The following TMEM131 variants were observed in gnomAD, a reference collection of about 807,000 sequenced individuals.
The protein encoded by TMEM131 is 2610524E03Rik.
A neutral mutation model predicts 211.6 loss-of-function variants in TMEM131; 66 were observed. The ratio of observed to expected loss-of-function variants is 0.31; its 90% CI spans 0.26 to 0.38. The LOEUF is 0.38. TMEM131 is among the 10% of genes least tolerant of loss of function. The pLI is 1.00. For synonymous variants in TMEM131, 844 were observed against 841.3 expected (o/e 1.00, Z -0.06); for missense variants, 2,036 against 2,299.3 (o/e 0.89, Z 2.34).
chr2:97,841,904 A>G lies in TMEM131; in HGVS notation c.634T>C (p.Leu212=), dbSNP rs367996182. 1.9e-6 allele frequency: 3 copies of G among 1,589,830 alleles called. No individual in the cohort carries two copies. Among genetic ancestry groups the G allele is most frequent in the Admixed American group, 1.8e-5 (1 of 57,104 alleles). ...ACTCTGGCCCCAAGGAACGGCCTCA[A>G]TCGATATGGATTTGGAACTCCAACA... ...FGVGVPNPYR[L]RPFLGARVPV... Residue 212 remains leucine, a synonymous_variant, in exon 7 of 41, where the codon TTG becomes CTG. Coordinates refer to ENST00000186436, the MANE Select transcript of TMEM131 (RefSeq NM_015348.2).
At chr2:97,765,501 T>C (rs1421117818) in intron 35 of TMEM131, among the ~76,000 whole-genome samples, 3 of 152,224 alleles carry the variant, frequency 2.0e-5, no homozygotes, top group African/African-American at 7.2e-5. Flanking sequence ...ATCCCTGCTG[T>C]CAGCTGCTCC....
chr2:97,815,401 A>C, intron 12 of TMEM131, 94 bp from the exon 13 acceptor site: 1 of 755,840 alleles, frequency 1.3e-6, no homozygotes, highest in Non-Finnish European at 2.0e-6. Flanking sequence ...AAAAAAAAAA[A>C]AAGTTGAGCT....
At chr2:97,883,097 G>A (rs918226655) in intron 4 of TMEM131, among the ~76,000 whole-genome samples, 4 of 152,040 alleles carry the variant, frequency 2.6e-5, no homozygotes, top group African/African-American at 9.7e-5. Context: ...TAGCTCTATG[G>A]GGCCTCTCTT....
At position 97,995,567 on chromosome 2, in the gene TMEM131, G is replaced by A. The variant is rs1680469275; in HGVS notation, c.96C>T (p.Ser32=). ...CGGCGGCCGCGCTCCGCGGGCCCCCGCTACGGGCGGCCGCAGGTTCCAGCC... is the reference window on the plus strand; with the variant it reads ...CGGCGGCCGCGCTCCGCGGGCCCCCACTACGGGCGGCCGCAGGTTCCAGCC... ...GAGLEPAAAR[S]GGPRSAAAGL... Residue 32 remains serine (S), a synonymous_variant, in exon 1 of 41, where the codon AGC becomes AGT. Transcript: ENST00000186436. 7.7e-7 allele frequency: 1 copy of A among 1,306,872 alleles called. No individual in the cohort carries two copies. The allele number at this position is 1,306,872 out of a possible 1,614,324, so 81.0% of individuals were successfully genotyped here. A position where few individuals can be genotyped will look rare whatever the true frequency, so the allele number is the denominator to read the frequency against.
At chr2:97,762,280 G>A (rs1678894681) in intron 35 of TMEM131, 80 bp from the exon 36 acceptor site, 3 of 1,407,574 alleles carry the variant, frequency 2.1e-6, no homozygotes, top group Admixed American at 3.7e-5. Flanking sequence ...TGTTCTCTAA[G>A]ACTATGCATA....
At chr2:97,778,809 G>A (rs1256772309) in intron 31 of TMEM131, among the ~76,000 whole-genome samples, 1 of 152,048 alleles carries the variant, frequency 6.6e-6, no homozygotes, top group Admixed American at 6.5e-5. Flanking sequence ...CCCTTCTTCT[G>A]ACAACTTCTT....
chr2:97,881,723 A>AAAGGGGGGGGG (rs1491361818), intron 4 of TMEM131, among the ~76,000 whole-genome samples: 1 of 65,556 alleles, frequency 1.5e-5, no homozygotes, highest in African/African-American at 6.7e-5. Flanking sequence ...AAAAAAAAAA[A>AAAGGGGGGGGG]GGGGGGGGGG....
intron 1 of TMEM131, among the ~76,000 whole-genome samples, chr2:97,958,196 G>A (rs1359559371): frequency 3.9e-5 from 6 of 152,174 alleles, no homozygotes; most frequent in African/African-American, 1.4e-4. Flanking sequence ...GGAGAGGGGG[G>A]CAGAAGCTGA....
chr2:97,973,519 T>C (rs558414637), intron 1 of TMEM131, among the ~76,000 whole-genome samples: 2 of 152,184 alleles, frequency 1.3e-5, no homozygotes, highest in East Asian at 1.9e-4. Context: ...CCAAGGCAAT[T>C]AGAGTTCATA....
At chr2:97,977,915 C>A (rs1446224731) in intron 1 of TMEM131, among the ~76,000 whole-genome samples, 1 of 151,858 alleles carries the variant, frequency 6.6e-6, no homozygotes, top group Admixed American at 6.6e-5. Context: ...GTGAAACCCC[C>A]GTCTCTATTA....
At chr2:97,884,880 A>G (rs1675077091) in intron 4 of TMEM131, among the ~76,000 whole-genome samples, 1 of 152,186 alleles carries the variant, frequency 6.6e-6, no homozygotes, top group Admixed American at 6.5e-5. Context: ...TATATCTTTT[A>G]GATGGGGGAA....
At chr2:97,843,845 A>C (rs1040713700) in intron 6 of TMEM131, among the ~76,000 whole-genome samples, 1 of 152,242 alleles carries the variant, frequency 6.6e-6, no homozygotes, top group Admixed American at 6.5e-5. Flanking sequence ...AGTATGCTTC[A>C]TAAGTGTGTA....
At chr2:97,934,296 C>T (rs952341692) in intron 1 of TMEM131, among the ~76,000 whole-genome samples, 10 of 152,028 alleles carry the variant, frequency 6.6e-5, no homozygotes, top group African/African-American at 2.2e-4. Flanking sequence ...AATGAAGTAC[C>T]TCAGATATAA....
At chr2:97,983,339 G>A (rs896168444) in intron 1 of TMEM131, among the ~76,000 whole-genome samples, 2 of 152,108 alleles carry the variant, frequency 1.3e-5, no homozygotes, top group Non-Finnish European at 1.5e-5. Context: ...GGTATAATGA[G>A]ACATGTCCGA....
rs1251254132 is a variant in TMEM131 at position 97,966,524 on chromosome 2, T to C, written c.187+28952A>G. Among the ~76,000 whole-genome samples, 4 of 152,106 alleles carry C rather than the reference T, an allele frequency of 2.6e-5. No homozygotes were observed. The East Asian group carries it at 7.7e-4, about 29-fold the overall frequency. ...TCATCTCTTAGGTTCCAACGACCAATCCAGTGTCTGACACAGTGGCCCTCA... is the reference window on the plus strand; with the variant it reads ...TCATCTCTTAGGTTCCAACGACCAACCCAGTGTCTGACACAGTGGCCCTCA... On this transcript the variant is annotated intron_variant, in intron 1 of 40. Transcript: ENST00000186436.
At chr2:97,883,848 T>C (rs892634030) in intron 4 of TMEM131, among the ~76,000 whole-genome samples, 14 of 152,320 alleles carry the variant, frequency 9.2e-5, no homozygotes, top group African/African-American at 3.4e-4. Flanking sequence ...TGAGATAATA[T>C]GGTTAGATTT....
chr2:97,924,742 T>C (rs925517995), intron 2 of TMEM131, among the ~76,000 whole-genome samples: 1 of 152,130 alleles, frequency 6.6e-6, no homozygotes, highest in African/African-American at 2.4e-5. Context: ...TTTGAGGACT[T>C]TGGCCAAGGG....
chr2:97,969,839 C>G (rs1482112205), intron 1 of TMEM131, among the ~76,000 whole-genome samples: 1 of 152,212 alleles, frequency 6.6e-6, no homozygotes, highest in African/African-American at 2.4e-5. Context: ...ACTGGACTTT[C>G]TGATGTTACT....
intron 31 of TMEM131, among the ~76,000 whole-genome samples, chr2:97,790,638 C>A (rs1367491340): frequency 6.6e-6 from 1 of 152,236 alleles, no homozygotes; most frequent in Non-Finnish European, 1.5e-5. Flanking sequence ...CTGCCCAACT[C>A]TTTCTTTGTG....
Sources: allele counts gnomAD v4.1 joint callset (sites outside exome capture counted in the v4.1 genomes callset), GRCh38; gene constraint gnomAD v4.1.1; transcripts MANE v1.5; gene names NCBI Gene and HGNC (gene_info 2026-07-23, HGNC 2026-07-21).